The following MAF variants were observed in gnomAD, a reference collection of about 807,000 sequenced individuals.
MAF encodes the protein transcription factor Maf.
Under a neutral mutation model 22.0 loss-of-function variants are expected in MAF, and 10 were observed. The observed-to-expected ratio is 0.45, with a 90% CI of 0.28 to 0.77. MAF has a LOEUF of 0.77. MAF is among the 30% of genes least tolerant of loss of function. The pLI, the probability that MAF is intolerant of heterozygous loss-of-function variation, is 0.12. For missense variants in MAF, 544 were observed against 548.4 expected, an observed-to-expected ratio of 0.99 and a Z score of 0.08; for synonymous variants, 337 against 255.8, an observed-to-expected ratio of 1.32 and a Z score of -3.03.
chr16:79,332,613 T>C, the MAF span, among the ~76,000 whole-genome samples: 2,588 of 152,356 alleles, frequency 0.017, 17 homozygotes, highest in Middle Eastern at 0.044. Context: ...ATAATAATTA[T>C]GATAGCTAAT....
chr16:79,542,204 T>A, the MAF span, among the ~76,000 whole-genome samples: 1 of 151,888 alleles, frequency 6.6e-6, no homozygotes, highest in Admixed American at 6.6e-5. Flanking sequence ...GGGGAGCGAA[T>A]GGGAACTTTG....
At chr16:79,231,538 G>T in the MAF span, among the ~76,000 whole-genome samples, 1 of 151,990 alleles carries the variant, frequency 6.6e-6, no homozygotes, top group Non-Finnish European at 1.5e-5. Context: ...TCTTATCTCT[G>T]TTATCACCTG....
At chr16:79,590,565 T>C (rs895254811), downstream of MAF, among the ~76,000 whole-genome samples, 2 of 152,090 alleles carry the variant, frequency 1.3e-5, no homozygotes, top group South Asian at 4.1e-4. Context: ...GACACTGGGA[T>C]TGGACAGGAG....
the MAF span, among the ~76,000 whole-genome samples, chr16:79,406,883 G>A: frequency 6.6e-6 from 1 of 152,164 alleles, no homozygotes; most frequent in African/African-American, 2.4e-5. Context: ...GACCTGATGA[G>A]ACTTGCCCCA....
At chr16:79,585,861 AT>A (rs2143695054) in exon 2 of MAF, 1 of 642,394 alleles carries the variant, frequency 1.6e-6, no homozygotes, top group East Asian at 2.8e-5. Context: ...GCACATGCAA[AT>A]CAAAAATCAA....
the MAF span, among the ~76,000 whole-genome samples, chr16:79,326,957 T>C: frequency 1.3e-5 from 2 of 152,194 alleles, no homozygotes; most frequent in East Asian, 1.9e-4. Flanking sequence ...ATTTTGGTCC[T>C]GAGGCTGAGA....
the MAF span, among the ~76,000 whole-genome samples, chr16:79,362,537 G>C: frequency 2.0e-5 from 3 of 152,214 alleles, no homozygotes; most frequent in Non-Finnish European, 4.4e-5. Flanking sequence ...ATTAGAAATA[G>C]TCCTCTCATG....
chr16:79,552,709 C>T, the MAF span, among the ~76,000 whole-genome samples: 1 of 152,190 alleles, frequency 6.6e-6, no homozygotes, highest in South Asian at 2.1e-4. Flanking sequence ...CCTTGCTGGG[C>T]AGCTGGTTCT....
the MAF span, among the ~76,000 whole-genome samples, chr16:79,250,648 G>A: frequency 4.6e-5 from 7 of 152,194 alleles, no homozygotes; most frequent in Non-Finnish European, 1.0e-4. Context: ...ATGAGCACCA[G>A]GTCTGAGGCT....
the MAF span, among the ~76,000 whole-genome samples, chr16:79,547,930 G>GATAGAGAT: frequency 1.3e-5 from 2 of 151,150 alleles, no homozygotes; most frequent in East Asian, 1.9e-4. Context: ...TAGAGAGAGA[G>GATAGAGAT]AGAGAGAGAG....
chr16:79,412,121 G>A, the MAF span, among the ~76,000 whole-genome samples: 1 of 152,186 alleles, frequency 6.6e-6, no homozygotes, highest in African/African-American at 2.4e-5. Context: ...AGATGAATGA[G>A]CCAGGCCTTA....
At chr16:79,261,487 C>T in the MAF span, among the ~76,000 whole-genome samples, 4 of 152,350 alleles carry the variant, frequency 2.6e-5, no homozygotes, top group African/African-American at 9.6e-5. Context: ...GGAGCTTCTA[C>T]ATGGTAGCTA....
At chr16:79,367,897 T>G in the MAF span, among the ~76,000 whole-genome samples, 1 of 152,190 alleles carries the variant, frequency 6.6e-6, no homozygotes, top group East Asian at 1.9e-4. Flanking sequence ...CCTTCAGATC[T>G]CACAGGCTCT....
chr16:79,477,853 T>C, the MAF span, among the ~76,000 whole-genome samples: 2 of 152,010 alleles, frequency 1.3e-5, no homozygotes, highest in Admixed American at 6.6e-5. Flanking sequence ...GCCTCCCTAG[T>C]AGCTGGGACT....
chr16:79,285,762 G>A, the MAF span, among the ~76,000 whole-genome samples: 1 of 152,200 alleles, frequency 6.6e-6, no homozygotes. Context: ...CTGACGTCCT[G>A]CAGGAAGGCG....
At chr16:79,236,406 G>C in the MAF span, among the ~76,000 whole-genome samples, 3 of 151,996 alleles carry the variant, frequency 2.0e-5, no homozygotes, top group Non-Finnish European at 4.4e-5. Context: ...AAGTTTTCCA[G>C]TTGATTCCTT....
At chr16:79,221,730 CG>C in the MAF span, among the ~76,000 whole-genome samples, 27 of 151,266 alleles carry the variant, frequency 1.8e-4, no homozygotes, top group Admixed American at 1.3e-3. Flanking sequence ...TGTGTGTGCA[CG>C]TGTGTACGTA....
At chr16:79,558,586 G>C in the MAF span, among the ~76,000 whole-genome samples, 5 of 152,206 alleles carry the variant, frequency 3.3e-5, no homozygotes, top group African/African-American at 9.6e-5. Context: ...ATAACACAAA[G>C]AGAGGGGAGT....
chr16:79,202,950 G>T, the MAF span: 3 of 152,162 alleles, frequency 2.0e-5, no homozygotes, highest in Non-Finnish European at 4.4e-5. Flanking sequence ...ACATACCTTT[G>T]TAACTTTCTA....
Sources: allele counts gnomAD v4.1 joint callset (sites outside exome capture counted in the v4.1 genomes callset), GRCh38; gene constraint gnomAD v4.1.1; transcripts MANE v1.5; gene names NCBI Gene and HGNC (gene_info 2026-07-23, HGNC 2026-07-21).